The following JAZF1 variants were observed in gnomAD, a reference collection of about 807,000 sequenced individuals.
JAZF1 encodes the protein juxtaposed with another zinc finger protein 1.
Under a neutral mutation model 26.4 loss-of-function variants are expected in JAZF1, and 8 were observed. The observed-to-expected ratio is 0.30, with a 90% confidence interval of 0.18 to 0.55. JAZF1 has a LOEUF of 0.55. JAZF1 is among the 20% of genes least tolerant of loss of function. The pLI is 0.94. For missense variants in JAZF1, 199 were observed against 322.0 expected (o/e 0.62, Z 2.92); for synonymous variants, 126 against 122.3 (o/e 1.03, Z -0.20).
intron 3 of JAZF1, among the ~76,000 whole-genome samples, chr7:27,878,591 C>G (rs1562516294): frequency 6.6e-6 from 1 of 152,204 alleles, no homozygotes; most frequent in East Asian, 1.9e-4. Context: ...ATGTAAAGAT[C>G]TGATGCTATT....
intron 1 of JAZF1, among the ~76,000 whole-genome samples, chr7:28,037,547 G>C (rs2128376366): frequency 6.6e-6 from 1 of 152,298 alleles, no homozygotes. Flanking sequence ...GTAACTAGCT[G>C]TGCGGCTTTG....
At chr7:27,931,139 T>C (rs1215446581) in intron 2 of JAZF1, among the ~76,000 whole-genome samples, 1 of 152,214 alleles carries the variant, frequency 6.6e-6, no homozygotes, top group African/African-American at 2.4e-5. Flanking sequence ...GTTAGCAAAC[T>C]TTCTGTAAAG....
chr7:28,147,791 G>C (rs1487735314), intron 1 of JAZF1, among the ~76,000 whole-genome samples: 5 of 151,920 alleles, frequency 3.3e-5, no homozygotes, highest in Non-Finnish European at 7.4e-5. Context: ...GGGCTGGGGG[G>C]AGGGGGGACA....
At chr7:28,179,235 T>A (rs757154387) in intron 1 of JAZF1, among the ~76,000 whole-genome samples, 6 of 152,226 alleles carry the variant, frequency 3.9e-5, no homozygotes, top group Non-Finnish European at 8.8e-5. Flanking sequence ...GACAACTCGC[T>A]GGCGTCGGTC....
Position 28,180,683 on chromosome 7 carries a change from G to T in JAZF1, c.-106C>A. 2 of 495,024 alleles carry T rather than the reference G, an allele frequency of 4.0e-6. No individual in the cohort carries two copies. Among genetic ancestry groups the T allele is most frequent in the Non-Finnish European group, 7.5e-6 (2 of 268,336 alleles). 30.7% of individuals were successfully genotyped at this position (495,024 alleles called of 1,614,324 possible). On this transcript the variant is annotated 5_prime_UTR_variant, in exon 1 of 5. Coordinates refer to ENST00000283928, the MANE Select transcript of JAZF1 (RefSeq NM_175061.4). ...AGGAGAGGAGGGGCTGGGGGAGGGG[G>T]AGAGAGGCGGGGTGAGGGGAGCGGC...
chr7:28,101,216 G>A (rs1170889282), intron 1 of JAZF1, among the ~76,000 whole-genome samples: 1 of 152,086 alleles, frequency 6.6e-6, no homozygotes, highest in Admixed American at 6.6e-5. Context: ...TACCACAACT[G>A]TGACTTCAAA....
chr7:27,890,784 C>CTT (rs70977008), intron 3 of JAZF1, among the ~76,000 whole-genome samples: 286 of 91,978 alleles, frequency 3.1e-3, no homozygotes, highest in Middle Eastern at 6.2e-3. Flanking sequence ...GATGTTACTA[C>CTT]TTTTTTTTTT....
chr7:28,010,625 A>G (rs1329342701), intron 1 of JAZF1, among the ~76,000 whole-genome samples: 1 of 152,212 alleles, frequency 6.6e-6, no homozygotes, highest in Non-Finnish European at 1.5e-5. Context: ...CATTCCATGA[A>G]GCTACATGGT....
At chr7:28,046,453 T>C (rs907377454) in intron 1 of JAZF1, among the ~76,000 whole-genome samples, 6 of 152,242 alleles carry the variant, frequency 3.9e-5, no homozygotes, top group Admixed American at 1.3e-4. Context: ...GTTCCCTTAC[T>C]AGGGGACATT....
intron 1 of JAZF1, among the ~76,000 whole-genome samples, chr7:28,017,994 C>T (rs1782926876): frequency 6.6e-6 from 1 of 152,110 alleles, no homozygotes; most frequent in African/African-American, 2.4e-5. Flanking sequence ...AGTCTGGTCT[C>T]GAACTGATCT....
intron 2 of JAZF1, among the ~76,000 whole-genome samples, chr7:27,986,163 A>C (rs1785701602): frequency 1.3e-5 from 2 of 152,224 alleles, no homozygotes; most frequent in South Asian, 4.1e-4. Flanking sequence ...GGAAAAGAGG[A>C]TGTCAAATTG....
chr7:27,914,142 T>C (rs1212842819), intron 2 of JAZF1, among the ~76,000 whole-genome samples: 2 of 152,142 alleles, frequency 1.3e-5, no homozygotes, highest in Non-Finnish European at 2.9e-5. Flanking sequence ...GCTATGTGGG[T>C]TGAAAATTTT....
chr7:27,844,479 G>T (rs1562761337), intron 3 of JAZF1: 1 of 152,190 alleles, frequency 6.6e-6, no homozygotes, highest in Admixed American at 6.5e-5. Flanking sequence ...AAAGCAGGAG[G>T]TAGCAAAGCT....
At chr7:27,983,546 A>C (rs1292253091) in intron 2 of JAZF1, among the ~76,000 whole-genome samples, 1 of 152,236 alleles carries the variant, frequency 6.6e-6, no homozygotes, top group Non-Finnish European at 1.5e-5. Flanking sequence ...ATCCAGGAGA[A>C]CTTCCCCAAA....
At chr7:28,032,530 G>C (rs910644258) in intron 1 of JAZF1, among the ~76,000 whole-genome samples, 2 of 152,108 alleles carry the variant, frequency 1.3e-5, no homozygotes, top group Non-Finnish European at 2.9e-5. Context: ...TTGCTAGCAG[G>C]AGTGACAGCT....
At chr7:27,920,900 G>T (rs548785365) in intron 2 of JAZF1, among the ~76,000 whole-genome samples, 19 of 152,112 alleles carry the variant, frequency 1.2e-4, no homozygotes, top group Non-Finnish European at 2.8e-4. Flanking sequence ...AGTAATGTTG[G>T]CAAGTCTCAC....
chr7:28,089,707 G>A (rs1433902766), intron 1 of JAZF1, among the ~76,000 whole-genome samples: 1 of 152,216 alleles, frequency 6.6e-6, no homozygotes, highest in African/African-American at 2.4e-5. Flanking sequence ...ATGGTCCAAT[G>A]AAGGCTCAGA....
chr7:28,001,889 G>C (rs1321036375), intron 1 of JAZF1, among the ~76,000 whole-genome samples: 1 of 152,108 alleles, frequency 6.6e-6, no homozygotes, highest in Non-Finnish European at 1.5e-5. Context: ...CTTTTCTTAT[G>C]TTATAGATCT....
At chr7:28,126,438 G>A (rs1782694014) in intron 1 of JAZF1, among the ~76,000 whole-genome samples, 2 of 151,738 alleles carry the variant, frequency 1.3e-5, no homozygotes, top group Admixed American at 6.6e-5. Context: ...GGGCATGGCT[G>A]GGGGACCACT....
Sources: allele counts gnomAD v4.1 joint callset (sites outside exome capture counted in the v4.1 genomes callset), GRCh38; gene constraint gnomAD v4.1.1; transcripts MANE v1.5; gene names NCBI Gene and HGNC (gene_info 2026-07-23, HGNC 2026-07-21).